Variants in ARL6 observed in about 807,000 individuals in gnomAD.
ARL6 encodes the protein ADP-ribosylation factor-like protein 6.
In ARL6, 18 loss-of-function variants were observed where a neutral mutation model predicts 27.1. The observed-to-expected ratio is 0.66, with a 90% CI of 0.46 to 0.98. The LOEUF (loss-of-function observed/expected upper bound fraction) is 0.98. Among genes scored for constraint, ARL6 ranks in the 50% least tolerant of loss-of-function variants. ARL6 has a pLI of 0.00. For missense variants in ARL6, 187 were observed against 214.9 expected, an observed-to-expected ratio of 0.87 and a Z score of 0.81; for synonymous variants, 65 against 72.3, an observed-to-expected ratio of 0.90 and a Z score of 0.51.
intron 5 of ARL6, among the ~76,000 whole-genome samples, chr3:97,786,441 T>G (rs3856570): frequency 0.72 from 109,614 of 152,042 alleles, 41,167 homozygotes; most frequent in East Asian, 0.85. Context: ...AAAAAGTGTT[T>G]CAGTGTTGAG....
intron 7 of ARL6, among the ~76,000 whole-genome samples, chr3:97,796,321 TGAAAA>T (rs1406914729): frequency 6.6e-6 from 1 of 151,524 alleles, no homozygotes; most frequent in Non-Finnish European, 1.5e-5. Flanking sequence ...GTAAACTACT[TGAAAA>T]GAAAGAACGA....
chr3:97,765,345 ACT>A (rs1481152243), intron 1 of ARL6, among the ~76,000 whole-genome samples: 1 of 152,032 alleles, frequency 6.6e-6, no homozygotes, highest in African/African-American at 2.4e-5. Flanking sequence ...ATCAACAAAC[ACT>A]TTACAGAGTT....
At chr3:97,769,039 G>A (rs1479443204) in intron 2 of ARL6, among the ~76,000 whole-genome samples, 2 of 151,844 alleles carry the variant, frequency 1.3e-5, no homozygotes, top group Non-Finnish European at 2.9e-5. Flanking sequence ...TTATTTTTAA[G>A]GAATTAAATA....
At chr3:97,772,144 C>T (rs924456414) in intron 2 of ARL6, among the ~76,000 whole-genome samples, 5 of 152,082 alleles carry the variant, frequency 3.3e-5, no homozygotes, top group Admixed American at 1.3e-4. Flanking sequence ...ATAGTGAAGC[C>T]ATCAGGTCCT....
At chr3:97,767,382 T>G (rs982846245) in intron 1 of ARL6, among the ~76,000 whole-genome samples, 8 of 152,152 alleles carry the variant, frequency 5.3e-5, no homozygotes, top group African/African-American at 1.4e-4. Context: ...AATGTGTGTA[T>G]GTATTTATGC....
chr3:97,798,240 A>G lies in ARL6; in HGVS notation c.*191A>G. 1 of 584,378 alleles carries G rather than the reference A, an allele frequency of 1.7e-6. No homozygotes were observed. Among genetic ancestry groups the G allele is most frequent in the Non-Finnish European group, 3.1e-6 (1 of 326,882 alleles). The allele number at this position is 584,378 out of a possible 1,614,324, so 36.2% of individuals were successfully genotyped here. On this transcript the variant is annotated 3_prime_UTR_variant, in exon 8 of 8. Coordinates refer to ENST00000463745, the MANE Select transcript of ARL6 (RefSeq NM_001278293.3). ...TGGCCATTAATTATTTAAAAACTAA[A>G]TATTCCCTCAAAAGGGCTCCCTAGA...
intron 7 of ARL6, among the ~76,000 whole-genome samples, chr3:97,794,212 T>TGTGC (rs2037886383): frequency 6.8e-6 from 1 of 147,574 alleles, no homozygotes; most frequent in Non-Finnish European, 1.5e-5. Flanking sequence ...TGTGTGTGTG[T>TGTGC]GTGTGTTTTT....
intron 7 of ARL6, among the ~76,000 whole-genome samples, 189 bp from the exon 8 acceptor site, chr3:97,797,835 C>T (rs2038076520): frequency 6.6e-6 from 1 of 152,102 alleles, no homozygotes; most frequent in African/African-American, 2.4e-5. Flanking sequence ...GGTGGGAGGA[C>T]CACTTGCACC....
intron 7 of ARL6, among the ~76,000 whole-genome samples, chr3:97,794,697 T>C (rs1413507369): frequency 2.0e-5 from 3 of 152,224 alleles, no homozygotes; most frequent in Non-Finnish European, 4.4e-5. Flanking sequence ...TCTGAACTTA[T>C]ATCTGATTTT....
chr3:97,771,109 T>C (rs2036617528), intron 2 of ARL6, among the ~76,000 whole-genome samples: 1 of 152,058 alleles, frequency 6.6e-6, no homozygotes, highest in Non-Finnish European at 1.5e-5. Context: ...CTTCGGGTGG[T>C]ATAGATATTT....
intron 1 of ARL6, among the ~76,000 whole-genome samples, chr3:97,767,471 T>C (rs921264517): frequency 2.0e-5 from 3 of 152,130 alleles, no homozygotes; most frequent in African/African-American, 7.2e-5. Flanking sequence ...GATAAGTATT[T>C]CAGGATTCTT....
At chr3:97,791,497 A>C (rs540922102) in intron 6 of ARL6, 1 of 419,414 alleles carries the variant, frequency 2.4e-6, no homozygotes, top group East Asian at 4.3e-5. Context: ...CACTGGAAAA[A>C]TAAAAGTATT....
At chr3:97,776,328 T>C (rs1468526749) in intron 2 of ARL6, among the ~76,000 whole-genome samples, 1 of 152,218 alleles carries the variant, frequency 6.6e-6, no homozygotes, top group East Asian at 1.9e-4. Context: ...TGTATCTTCA[T>C]AGATGAAATG....
intron 1 of ARL6, among the ~76,000 whole-genome samples, chr3:97,767,865 GT>G (rs965618005): frequency 6.6e-6 from 1 of 152,108 alleles, no homozygotes; most frequent in Non-Finnish European, 1.5e-5. Context: ...ATTGTTCTGT[GT>G]TGCCACCTGT....
intron 1 of ARL6, among the ~76,000 whole-genome samples, chr3:97,765,223 T>G (rs1172904667): frequency 7.8e-6 from 1 of 127,892 alleles, no homozygotes; most frequent in South Asian, 2.4e-4. Flanking sequence ...TGTGTGTGTG[T>G]GTGTGTGTGT....
intron 7 of ARL6, among the ~76,000 whole-genome samples, chr3:97,793,902 T>G (rs892739435): frequency 1.3e-5 from 2 of 152,140 alleles, no homozygotes; most frequent in Non-Finnish European, 2.9e-5. Flanking sequence ...GCAAATTTAT[T>G]CTACTACTTA....
intron 2 of ARL6, among the ~76,000 whole-genome samples, chr3:97,779,225 G>T (rs1230484193): frequency 6.6e-6 from 1 of 152,048 alleles, no homozygotes; most frequent in East Asian, 1.9e-4. Context: ...TAGGCTTTCT[G>T]CATTTCCTCA....
intron 7 of ARL6, among the ~76,000 whole-genome samples, chr3:97,792,175 T>C (rs2037771939): frequency 6.6e-6 from 1 of 152,158 alleles, no homozygotes; most frequent in Admixed American, 6.5e-5. Context: ...TAACTAAAAA[T>C]AAGTCTGAAT....
At chr3:97,777,073 C>G (rs2036945201) in intron 2 of ARL6, among the ~76,000 whole-genome samples, 1 of 152,214 alleles carries the variant, frequency 6.6e-6, no homozygotes, top group African/African-American at 2.4e-5. Flanking sequence ...AGATTTTTCT[C>G]TTCTTCAGCA....
Sources: gnomAD v4.1 joint callset for allele counts (sites outside exome capture counted in the v4.1 genomes callset) on GRCh38, gnomAD v4.1.1 for gene constraint, MANE v1.5 for transcripts, NCBI Gene and HGNC (gene_info 2026-07-23, HGNC 2026-07-21) for gene names.